The following KAZN variants were observed in gnomAD, a reference collection of about 807,000 sequenced individuals.
The protein encoded by KAZN is kazrin.
In KAZN, 40 loss-of-function variants were observed where a neutral mutation model predicts 87.4. That is an observed-to-expected ratio of 0.46 (90% CI 0.36 to 0.60). The LOEUF is 0.60. Among genes scored for constraint, KAZN ranks in the 20% least tolerant of loss-of-function variants. The pLI, the probability that KAZN is intolerant of heterozygous loss-of-function variation, is 0.00. For synonymous variants in KAZN, 466 were observed against 458.3 expected (o/e 1.02, Z -0.22); for missense variants, 898 against 1,073.9 (o/e 0.84, Z 2.29).
At chr1:13,936,111 T>TTTTTTTTTTTTTTTTTTA (rs1640730209) in intron 1 of KAZN, among the ~76,000 whole-genome samples, 3 of 145,008 alleles carry the variant, frequency 2.1e-5, no homozygotes, top group Admixed American at 7.0e-5. Flanking sequence ...TTTTTTTTTT[T>TTTTTTTTTTTTTTTTTTA]GAGACAGAGT....
chr1:13,926,034 G>A (rs745858137), intron 1 of KAZN, among the ~76,000 whole-genome samples: 15 of 152,130 alleles, frequency 9.9e-5, no homozygotes, highest in East Asian at 5.8e-4. Flanking sequence ...GGGACAGAGC[G>A]TGATTTGGTT....
chr1:14,754,627 G>A (rs925254619), intron 1 of KAZN, among the ~76,000 whole-genome samples: 10 of 151,912 alleles, frequency 6.6e-5, no homozygotes, highest in African/African-American at 1.2e-4. Context: ...AGGGAGATTC[G>A]GTCTAAAATT....
intron 1 of KAZN, among the ~76,000 whole-genome samples, chr1:14,871,157 C>T (rs1016966178): frequency 1.3e-5 from 2 of 152,232 alleles, no homozygotes; most frequent in African/African-American, 4.8e-5. Context: ...CCACACGGCA[C>T]CTATGTGCCC....
chr1:14,530,486 G>A (rs1411322689), intron 2 of KAZN, among the ~76,000 whole-genome samples: 1 of 152,146 alleles, frequency 6.6e-6, no homozygotes, highest in Non-Finnish European at 1.5e-5. Flanking sequence ...TGTTGGAGGT[G>A]GGGCCTGGTG....
At chr1:14,389,922 C>T (rs887522924) in intron 2 of KAZN, among the ~76,000 whole-genome samples, 1 of 152,190 alleles carries the variant, frequency 6.6e-6, no homozygotes, top group African/African-American at 2.4e-5. Flanking sequence ...ATTTACCCTG[C>T]TGTGACCATT....
intron 2 of KAZN, among the ~76,000 whole-genome samples, chr1:14,590,371 T>C (rs1210414172): frequency 6.6e-6 from 1 of 151,784 alleles, no homozygotes; most frequent in Non-Finnish European, 1.5e-5. Context: ...GTGAAGGGGA[T>C]TGGGTTGGAA....
chr1:14,211,259 C>T (rs145520377), intron 2 of KAZN, among the ~76,000 whole-genome samples: 1,621 of 152,234 alleles, frequency 0.011, 26 homozygotes, highest in African/African-American at 0.037. Context: ...CTTGCTCTGT[C>T]GCCCAGGCTG....
intron 2 of KAZN, among the ~76,000 whole-genome samples, chr1:14,332,655 C>G (rs1656934664): frequency 6.6e-6 from 1 of 152,108 alleles, no homozygotes; most frequent in African/African-American, 2.4e-5. Flanking sequence ...GAACAATCAG[C>G]ATGAATATGA....
At chr1:14,323,414 T>C (rs1656187733) in intron 2 of KAZN, among the ~76,000 whole-genome samples, 2 of 152,080 alleles carry the variant, frequency 1.3e-5, no homozygotes, top group Admixed American at 6.6e-5. Flanking sequence ...CCTTCTTTCT[T>C]ATATAAAATA....
chr1:14,852,377 G>A (rs1470667043), intron 1 of KAZN, among the ~76,000 whole-genome samples: 1 of 152,234 alleles, frequency 6.6e-6, no homozygotes, highest in Admixed American at 6.5e-5. Flanking sequence ...GAGTCCAGCA[G>A]CCTGAGTCAG....
intron 1 of KAZN, among the ~76,000 whole-genome samples, chr1:14,636,251 G>T (rs1396013928): frequency 1.3e-5 from 2 of 152,150 alleles, no homozygotes; most frequent in African/African-American, 4.8e-5. Context: ...AGGGGGTGGG[G>T]CTAGATGTAA....
intron 2 of KAZN, among the ~76,000 whole-genome samples, chr1:14,208,623 G>A (rs1019919011): frequency 6.6e-6 from 1 of 152,190 alleles, no homozygotes; most frequent in African/African-American, 2.4e-5. Context: ...AAAGTGCCCT[G>A]AATGTCTTCT....
At chr1:14,761,671 C>T (rs184915973) in intron 1 of KAZN, among the ~76,000 whole-genome samples, 1 of 152,318 alleles carries the variant, frequency 6.6e-6, no homozygotes, top group African/African-American at 2.4e-5. Flanking sequence ...TTCCTTTCTT[C>T]TCCTTCCCTG....
intron 2 of KAZN, among the ~76,000 whole-genome samples, chr1:14,429,485 CAA>C (rs1665924348): frequency 2.0e-5 from 3 of 152,174 alleles, no homozygotes; most frequent in South Asian, 2.1e-4. Flanking sequence ...TCACCAGTTT[CAA>C]AAGAGTTAGG....
At chr1:14,561,489 T>G (rs1674249506) in intron 2 of KAZN, among the ~76,000 whole-genome samples, 1 of 152,160 alleles carries the variant, frequency 6.6e-6, no homozygotes, top group African/African-American at 2.4e-5. Flanking sequence ...AATCAGCTTT[T>G]GGGGAGGGGT....
rs34732218 is a variant in KAZN, at chr1:14,890,509, C to CTTT, written c.227-70167_227-70165dup. ...AAAATTCCTGATAGCAAATTTAAAT[C>CTTT]TTTTTTTTTTCCTTTCTGCCCGCCT... On this transcript the variant is annotated intron_variant, in intron 1 of 14. Transcript: ENST00000376030. 6.9e-3 allele frequency among the ~76,000 whole-genome samples: 1,040 copies of CTTT among 150,836 alleles called. 9 individuals carry two copies. The highest frequency in any genetic ancestry group is 0.024 in the African/African-American group (995 of 41,306).
chr1:14,326,415 C>G (rs1656423998), intron 2 of KAZN, among the ~76,000 whole-genome samples: 1 of 152,200 alleles, frequency 6.6e-6, no homozygotes, highest in Non-Finnish European at 1.5e-5. Context: ...GCCTCCACAA[C>G]CTGATCAAGC....
chr1:14,662,179 C>A (rs1345750568), intron 1 of KAZN, among the ~76,000 whole-genome samples: 2 of 152,120 alleles, frequency 1.3e-5, no homozygotes, highest in Non-Finnish European at 2.9e-5. Context: ...TATTTCCTCT[C>A]CCCCAGGGGC....
chr1:14,933,849 C>CT (rs59580896), intron 1 of KAZN, among the ~76,000 whole-genome samples: 121 of 141,244 alleles, frequency 8.6e-4, no homozygotes, highest in East Asian at 3.5e-3. Flanking sequence ...GCTTTTTTTT[C>CT]TTTTTTTTTT....
Sources: gnomAD v4.1 joint callset for allele counts (sites outside exome capture counted in the v4.1 genomes callset) on GRCh38, gnomAD v4.1.1 for gene constraint, MANE v1.5 for transcripts, NCBI Gene and HGNC (gene_info 2026-07-23, HGNC 2026-07-21) for gene names.